Variants in NRP2 observed in about 807,000 individuals in gnomAD.
The protein encoded by NRP2 is neuropilin-2.
In NRP2, 52 loss-of-function variants were observed where a neutral mutation model predicts 110.4. That is an observed-to-expected ratio of 0.47 (90% confidence interval 0.38 to 0.59). The LOEUF (loss-of-function observed/expected upper bound fraction) is 0.59. Ranked by LOEUF, NRP2 falls within the 20% of genes least tolerant of loss-of-function variation. The probability of loss-of-function intolerance (pLI) is 0.00; values close to 1 mark genes in which losing one functional copy is unlikely to be tolerated. For synonymous variants in NRP2, 508 were observed against 468.9 expected (o/e 1.08, Z -1.08); for missense variants, 1,049 against 1,203.0 (o/e 0.87, Z 1.89).
chr2:205,699,460 T>C (rs2056506741), intron 2 of NRP2, among the ~76,000 whole-genome samples: 1 of 152,164 alleles, frequency 6.6e-6, no homozygotes, highest in African/African-American at 2.4e-5. Flanking sequence ...CCCAAGGAAA[T>C]TGCCAAGAGG....
chr2:205,742,171 T>C (rs758513898), intron 8 of NRP2, among the ~76,000 whole-genome samples: 2 of 152,222 alleles, frequency 1.3e-5, no homozygotes, highest in Non-Finnish European at 2.9e-5. Flanking sequence ...ACGTGGAGGA[T>C]CTTTTTTATC....
At chr2:205,794,663 G>A in intron 16 of NRP2, 91 bp from the exon 17 acceptor site, 1 of 1,299,316 alleles carries the variant, frequency 7.7e-7, no homozygotes, top group Non-Finnish European at 1.1e-6. Context: ...TAACTACTGT[G>A]CTCTGAAGAG....
chr2:205,701,964 C>A (rs2056569058), intron 2 of NRP2, among the ~76,000 whole-genome samples: 1 of 152,184 alleles, frequency 6.6e-6, no homozygotes, highest in Admixed American at 6.5e-5. Context: ...GCCAGTATTG[C>A]CATAATTGGA....
intron 12 of NRP2, among the ~76,000 whole-genome samples, chr2:205,754,804 G>GA (rs2057706816): frequency 9.5e-6 from 1 of 104,786 alleles, no homozygotes; most frequent in African/African-American, 3.2e-5. Flanking sequence ...TTCTGTGCAT[G>GA]GGTGTGTGTG....
intron 1 of NRP2, among the ~76,000 whole-genome samples, chr2:205,692,827 A>G (rs1189663528): frequency 6.6e-6 from 1 of 152,128 alleles, no homozygotes; most frequent in Non-Finnish European, 1.5e-5. Flanking sequence ...GGGTTATAAG[A>G]TCTATTCCCC....
intron 2 of NRP2, among the ~76,000 whole-genome samples, chr2:205,703,396 C>A (rs997196451): frequency 1.3e-5 from 2 of 152,230 alleles, no homozygotes; most frequent in Admixed American, 6.5e-5. Flanking sequence ...AAATCATATT[C>A]TTTTCCCTAA....
At chr2:205,740,793 C>G (rs1198755340) in intron 8 of NRP2, 130 bp downstream of exon 8, 1 of 1,009,276 alleles carries the variant, frequency 9.9e-7, no homozygotes, top group Non-Finnish European at 1.5e-6. Flanking sequence ...GACTCAAGTC[C>G]TACCAGAGTT....
chr2:205,735,967 A>T (rs2057334942), intron 7 of NRP2, among the ~76,000 whole-genome samples: 1 of 152,218 alleles, frequency 6.6e-6, no homozygotes, highest in Non-Finnish European at 1.5e-5. Context: ...CACTAGCATC[A>T]GAAAGCTAGG....
intron 7 of NRP2, among the ~76,000 whole-genome samples, chr2:205,739,682 CTTTTTTT>C (rs3047659): frequency 8.0e-6 from 1 of 124,952 alleles, no homozygotes; most frequent in African/African-American, 3.0e-5. Context: ...GCTCTAGTTA[CTTTTTTT>C]TTTTTTTTTT....
intron 15 of NRP2, 81 bp from the exon 16 acceptor site, chr2:205,792,154 C>A (rs781444402): frequency 6.6e-6 from 6 of 912,652 alleles, no homozygotes; most frequent in Non-Finnish European, 9.2e-6. Flanking sequence ...GGGAGTCATT[C>A]TCGTAAAGAT....
At chr2:205,716,013 A>G (rs544829100) in intron 2 of NRP2, among the ~76,000 whole-genome samples, 180 bp from the exon 3 acceptor site, 25 of 152,386 alleles carry the variant, frequency 1.6e-4, no homozygotes, top group African/African-American at 6.0e-4. Context: ...TTCACAAAGC[A>G]CAACGACCTG....
At chr2:205,707,485 T>C (rs975155503) in intron 2 of NRP2, among the ~76,000 whole-genome samples, 4 of 152,130 alleles carry the variant, frequency 2.6e-5, no homozygotes, top group Non-Finnish European at 5.9e-5. Flanking sequence ...GTAAATGAAC[T>C]CTAAAAGGGA....
chr2:205,743,099 G>C, intron 8 of NRP2, 104 bp from the exon 9 acceptor site: 7 of 1,595,658 alleles, frequency 4.4e-6, no homozygotes, highest in Non-Finnish European at 5.9e-6. Flanking sequence ...TGCTGACTTA[G>C]TATTTGACAG....
intron 7 of NRP2, among the ~76,000 whole-genome samples, chr2:205,738,313 G>GGCCC (rs1486847088): frequency 6.6e-6 from 1 of 152,044 alleles, no homozygotes; most frequent in African/African-American, 2.4e-5. Context: ...AGCCAGTGGA[G>GGCCC]GCCCCCCTGC....
chr2:205,702,093 T>C (rs537173565), intron 2 of NRP2, among the ~76,000 whole-genome samples: 8 of 152,204 alleles, frequency 5.3e-5, no homozygotes, highest in Non-Finnish European at 8.8e-5. Context: ...CCTTTTTATG[T>C]AGATGCCCAA....
intron 15 of NRP2, among the ~76,000 whole-genome samples, chr2:205,775,287 G>A (rs1559362890): frequency 2.0e-5 from 3 of 152,092 alleles, no homozygotes. Context: ...GCATCAAGTG[G>A]GACTCCAGCC....
chr2:205,743,213 C>T lies in NRP2; in HGVS notation c.1302C>T (p.Cys434=). The T allele has an allele frequency of 3.7e-6, 6 of 1,612,658 alleles. No individual in the cohort carries two copies. Among genetic ancestry groups the T allele is most frequent in the Non-Finnish European group, 5.1e-6 (6 of 1,180,020 alleles). ...LFGCRVTDAP[C]SNMLGMLSGL... is the part of the protein sequence containing the mutation. ...CTCTCCTCTCTGCAGATGCTCCCTG[C>T]TCCAACATGCTGGGGATGCTCTCAG... The change falls in exon 9 of 17, where the codon TGC becomes TGT. Residue 434 remains cysteine (C), a synonymous_variant. Coordinates refer to ENST00000357785, the MANE Select transcript of NRP2 (RefSeq NM_003872.3).
At chr2:205,704,439 A>G (rs1262997557) in intron 2 of NRP2, among the ~76,000 whole-genome samples, 1 of 152,140 alleles carries the variant, frequency 6.6e-6, no homozygotes, top group Non-Finnish European at 1.5e-5. Context: ...TGATTCCCCT[A>G]AGGAGCCAGT....
intron 3 of NRP2, among the ~76,000 whole-genome samples, chr2:205,719,060 T>C (rs1575582328): frequency 6.6e-6 from 1 of 152,112 alleles, no homozygotes; most frequent in African/African-American, 2.4e-5. Flanking sequence ...TATACCCACA[T>C]TTCCATTGTT....
Sources: gnomAD v4.1 joint callset for allele counts (sites outside exome capture counted in the v4.1 genomes callset) on GRCh38, gnomAD v4.1.1 for gene constraint, MANE v1.5 for transcripts, NCBI Gene and HGNC (gene_info 2026-07-23, HGNC 2026-07-21) for gene names.